Variants in CABIN1 observed in about 807,000 individuals in gnomAD.
The protein encoded by CABIN1 is calcineurin-binding protein cabin-1.
In CABIN1, 133 loss-of-function variants were observed where a neutral mutation model predicts 227.7. The observed-to-expected ratio is 0.58, with a 90% confidence interval of 0.51 to 0.67. The LOEUF (loss-of-function observed/expected upper bound fraction) is 0.67. CABIN1 is among the 30% of genes least tolerant of loss of function. The probability of loss-of-function intolerance (pLI) is 0.00; values close to 1 mark genes in which losing one functional copy is unlikely to be tolerated. For missense variants in CABIN1, 2,408 were observed against 2,852.5 expected (o/e 0.84, Z 3.55); for synonymous variants, 1,086 against 1,155.1 (o/e 0.94, Z 1.21).
chr22:24,120,259 G>A (rs2043331934), intron 28 of CABIN1, among the ~76,000 whole-genome samples: 1 of 152,206 alleles, frequency 6.6e-6, no homozygotes, highest in Admixed American at 6.5e-5. Flanking sequence ...TGGGGGTTGG[G>A]TGCTGACAGC....
rs778645314 is a variant in CABIN1, at chr22:24,095,924, C to T, written c.3787-7C>T. 7 of 1,613,838 alleles carry T rather than the reference C, an allele frequency of 4.3e-6. No individual in the cohort carries two copies. Among genetic ancestry groups the T allele is most frequent in the Non-Finnish European group, 5.9e-6 (7 of 1,179,946 alleles). ...GGCTGCTCACACTAGAGGTGTCGTT[C>T]TCCTAGGTGTACTTTCGGCTCCATG... On this transcript the variant is annotated splice_polypyrimidine_tract_variant and splice_region_variant and intron_variant, in intron 24 of 36. Coordinates refer to ENST00000263119, the MANE Select transcript of CABIN1 (RefSeq NM_012295.4).
chr22:24,061,920 CT>C, intron 12 of CABIN1, 26 bp from the exon 13 acceptor site: 1 of 1,589,552 alleles, frequency 6.3e-7, no homozygotes, highest in Non-Finnish European at 8.6e-7. Flanking sequence ...TGATACTGTT[CT>C]TGACCTTCCT....
intron 16 of CABIN1, 46 bp from the exon 17 acceptor site, chr22:24,070,754 T>C (rs748154847): frequency 6.2e-7 from 1 of 1,613,604 alleles, no homozygotes; most frequent in Non-Finnish European, 8.5e-7. Context: ...TGGGCCCAGA[T>C]GTGCTGAGCT....
intron 10 of CABIN1, 28 bp downstream of exon 10, chr22:24,056,388 A>C (rs2038799029): frequency 1.2e-6 from 2 of 1,611,434 alleles, no homozygotes; most frequent in Non-Finnish European, 1.7e-6. Flanking sequence ...TGATTGTCAG[A>C]AACAAACCCA....
At chr22:24,029,707 G>T (rs1175382521) in intron 1 of CABIN1, among the ~76,000 whole-genome samples, 1 of 152,216 alleles carries the variant, frequency 6.6e-6, no homozygotes, top group Non-Finnish European at 1.5e-5. Context: ...GGTAATGATG[G>T]AGTGGAAATA....
At chr22:24,149,386 T>C (rs2045350687) in intron 29 of CABIN1, among the ~76,000 whole-genome samples, 1 of 152,142 alleles carries the variant, frequency 6.6e-6, no homozygotes, top group East Asian at 1.9e-4. Context: ...GTTACTACCA[T>C]GGGCCCCCAG....
At chr22:24,065,789 A>G (rs933556720) in intron 15 of CABIN1, among the ~76,000 whole-genome samples, 15 of 152,246 alleles carry the variant, frequency 9.9e-5, no homozygotes, top group African/African-American at 2.4e-4. Flanking sequence ...ATCACTCGCG[A>G]TTAGGAGCTG....
intron 1 of CABIN1, among the ~76,000 whole-genome samples, chr22:24,033,295 G>A (rs985475907): frequency 1.3e-5 from 2 of 152,158 alleles, no homozygotes; most frequent in African/African-American, 2.4e-5. Flanking sequence ...ATTGCTGTAA[G>A]CACTGGTGAC....
At chr22:24,031,152 T>C (rs1457940259) in intron 1 of CABIN1, among the ~76,000 whole-genome samples, 1 of 152,138 alleles carries the variant, frequency 6.6e-6, no homozygotes, top group East Asian at 1.9e-4. Flanking sequence ...CCTAGGAGGA[T>C]CCAGTTGGCA....
intron 30 of CABIN1, among the ~76,000 whole-genome samples, 173 bp downstream of exon 30, chr22:24,164,736 CA>C: frequency 6.6e-6 from 1 of 152,266 alleles, no homozygotes; most frequent in African/African-American, 2.4e-5. Flanking sequence ...AGAACCTAAA[CA>C]ACACTTCCCA....
At chr22:24,036,488 T>C (rs748614070) in intron 3 of CABIN1, among the ~76,000 whole-genome samples, 1 of 152,156 alleles carries the variant, frequency 6.6e-6, no homozygotes, top group Non-Finnish European at 1.5e-5. Context: ...ATATTAATGG[T>C]AGATGGTGTT....
Position 24,072,417 on chromosome 22 carries a change from C to T in CABIN1, c.2539C>T (p.Pro847Ser). 1 of 1,614,152 alleles carries T rather than the reference C, an allele frequency of 6.2e-7. No homozygotes were observed. ...AKEPHVSSVL[P>S]WIILHRIIWQ... ...GGAGCCCCACGTCTCTTCAGTGCTA[C>T]CCTGGATCATTCTACACCGGATCAT... The change falls in exon 18 of 37, where the codon CCC becomes TCC. Residue 847 changes from proline (P) to serine (S), a missense_variant. Physicochemically the swap from Pro to Ser is moderately conservative, Grantham distance 74. Transcript: ENST00000263119.
At chr22:24,153,574 G>C (rs1041087526) in intron 29 of CABIN1, among the ~76,000 whole-genome samples, 1 of 152,200 alleles carries the variant, frequency 6.6e-6, no homozygotes, top group East Asian at 1.9e-4. Flanking sequence ...ACTTCCTGGG[G>C]GGTTGGGGGG....
chr22:24,012,332 C>G (rs879285500), intron 1 of CABIN1, among the ~76,000 whole-genome samples: 3 of 151,620 alleles, frequency 2.0e-5, no homozygotes, highest in Non-Finnish European at 4.4e-5. Flanking sequence ...TTTTTTTTCC[C>G]AAATATGAAA....
In CABIN1 at chr22:24,091,652, G is replaced by A; in HGVS notation, c.3595G>A (p.Gly1199Ser). Reference protein sequence around the residue: ...HCFTSAARCEGDGDEEEWLIH... With the variant: ...HCFTSAARCESDGDEEEWLIH... ...TTTCACATCAGCAGCCCGCTGCGAGGGTGATGGTGACGAGGAGGAGTGGCT... is the reference window on the plus strand; with the variant it reads ...TTTCACATCAGCAGCCCGCTGCGAGAGTGATGGTGACGAGGAGGAGTGGCT... The change falls in exon 24 of 37, where the codon GGT becomes AGT. Residue 1199 changes from glycine to serine, a missense_variant. Physicochemically the swap from Gly to Ser is moderately conservative, Grantham distance 56 (BLOSUM62 0). Around this residue, in one of 3 missense-constraint regions of CABIN1, gnomAD observed 649 missense variants for 910.3 expected, o/e 0.71. Coordinates refer to ENST00000263119, the MANE Select transcript of CABIN1 (RefSeq NM_012295.4). The A allele has an allele frequency of 6.2e-7, 1 of 1,614,242 alleles. No homozygotes were observed. Among genetic ancestry groups the A allele is most frequent in the African/African-American group, 1.3e-5 (1 of 75,070 alleles).
At position 24,056,403 on chromosome 22, in the gene CABIN1, G is replaced by C. The variant is rs756637070; in HGVS notation, c.1262+43G>C. The stretch of plus-strand genomic sequence containing the variant: ...TGATTGTCAGAAACAAACCCACAAA[G>C]CTCCAGCATACACCATCAGTAACAT... On this transcript the variant is annotated intron_variant, in intron 10 of 36. Coordinates refer to ENST00000263119, the MANE Select transcript of CABIN1 (RefSeq NM_012295.4). 1.1e-5 allele frequency: 17 copies of C among 1,592,272 alleles called. No individual in the cohort carries two copies. The South Asian group carries it at 1.9e-4, about 18-fold the overall frequency.
intron 26 of CABIN1, among the ~76,000 whole-genome samples, chr22:24,098,980 C>G (rs1449206461): frequency 2.0e-5 from 3 of 152,198 alleles, no homozygotes; most frequent in African/African-American, 7.2e-5. Context: ...AGGCCTTGCT[C>G]TGCATTCCCC....
intron 21 of CABIN1, 54 bp downstream of exon 21, chr22:24,084,839 C>T: frequency 6.3e-7 from 1 of 1,581,526 alleles, no homozygotes; most frequent in Non-Finnish European, 8.7e-7. Context: ...CACTCTTCCG[C>T]TCTGCCACTG....
chr22:24,116,749 G>A (rs2043109057), intron 27 of CABIN1, among the ~76,000 whole-genome samples: 1 of 152,168 alleles, frequency 6.6e-6, no homozygotes, highest in Admixed American at 6.5e-5. Flanking sequence ...GAGTTCACTA[G>A]GCCATCAGTA....
Sources: allele counts gnomAD v4.1 joint callset (sites outside exome capture counted in the v4.1 genomes callset), GRCh38; gene constraint gnomAD v4.1.1; regional missense constraint gnomAD v4.1.1; transcripts MANE v1.5; gene names NCBI Gene and HGNC (gene_info 2026-07-23, HGNC 2026-07-21).